Variants in SLC35F1 observed in about 807,000 individuals in gnomAD.
The protein encoded by SLC35F1 is solute carrier family 35 member F1.
SLC35F1 carries 14 observed loss-of-function variants against 48.7 expected under a neutral mutation model. The ratio of observed to expected loss-of-function variants is 0.29; its 90% CI spans 0.19 to 0.45. The LOEUF (loss-of-function observed/expected upper bound fraction) is 0.45. SLC35F1 is among the 20% of genes least tolerant of loss of function. The probability of loss-of-function intolerance (pLI) is 1.00; values close to 1 mark genes in which losing one functional copy is unlikely to be tolerated. For synonymous variants in SLC35F1, 190 were observed against 202.2 expected (o/e 0.94, Z 0.51); for missense variants, 404 against 500.0 (o/e 0.81, Z 1.83).
At chr6:118,219,575 C>G (rs1775119155) in intron 2 of SLC35F1, among the ~76,000 whole-genome samples, 1 of 151,990 alleles carries the variant, frequency 6.6e-6, no homozygotes, top group African/African-American at 2.4e-5. Context: ...GACTGTAGAC[C>G]CACAACCATT....
At chr6:118,140,890 AG>A (rs1562302841) in intron 1 of SLC35F1, among the ~76,000 whole-genome samples, 1 of 152,228 alleles carries the variant, frequency 6.6e-6, no homozygotes, top group Non-Finnish European at 1.5e-5. Context: ...AAGTATATAA[AG>A]AAAATATTTT....
At chr6:118,261,065 C>T (rs1289022195) in intron 3 of SLC35F1, among the ~76,000 whole-genome samples, 1 of 152,202 alleles carries the variant, frequency 6.6e-6, no homozygotes, top group Non-Finnish European at 1.5e-5. Flanking sequence ...TGCACAATCA[C>T]TCTTATAAAG....
At chr6:118,082,148 C>T (rs1032579897) in intron 1 of SLC35F1, among the ~76,000 whole-genome samples, 1 of 152,208 alleles carries the variant, frequency 6.6e-6, no homozygotes, top group African/African-American at 2.4e-5. Flanking sequence ...AACCTTTGAA[C>T]ATTACAGATG....
intron 1 of SLC35F1, among the ~76,000 whole-genome samples, chr6:118,006,908 TTAA>T (rs1360536435): frequency 6.6e-6 from 1 of 152,150 alleles, no homozygotes; most frequent in Non-Finnish European, 1.5e-5. Context: ...TGTGTAAATG[TTAA>T]TAACTTTAGA....
At chr6:118,190,347 A>G (rs750721583) in intron 2 of SLC35F1, among the ~76,000 whole-genome samples, 2 of 152,038 alleles carry the variant, frequency 1.3e-5, no homozygotes, top group African/African-American at 2.4e-5. Flanking sequence ...ATTATATCAC[A>G]CTTAGCACGA....
At position 118,285,356 on chromosome 6, in the gene SLC35F1, T is replaced by G. The variant is rs764791623; in HGVS notation, c.1002+18T>G. The G allele has an allele frequency of 1.2e-6, 2 of 1,613,320 alleles. No individual in the cohort carries two copies. Among genetic ancestry groups the G allele is most frequent in the Non-Finnish European group, 1.7e-6 (2 of 1,179,328 alleles). ...ACTACAAGGTAAGTTGAGTGAGTGC[T>G]CCTTTGTGAAGATGATACTTTGTAG... On this transcript the variant is annotated intron_variant, in intron 7 of 7. Transcript: ENST00000360388.
intron 1 of SLC35F1, among the ~76,000 whole-genome samples, chr6:118,048,968 A>G (rs1412771584): frequency 3.3e-5 from 5 of 152,184 alleles, no homozygotes; most frequent in Non-Finnish European, 5.9e-5. Context: ...AAACCTTACT[A>G]CAAGGCTACA....
intron 1 of SLC35F1, among the ~76,000 whole-genome samples, chr6:118,136,300 TG>T (rs1221845247): frequency 1.3e-5 from 2 of 152,264 alleles, no homozygotes; most frequent in Non-Finnish European, 2.9e-5. Context: ...TGCTGTTTTA[TG>T]TCTAGACCTC....
intron 1 of SLC35F1, among the ~76,000 whole-genome samples, chr6:117,923,669 A>ATATG (rs1562238704): frequency 4.1e-5 from 2 of 49,308 alleles, no homozygotes; most frequent in South Asian, 7.1e-4. Flanking sequence ...GTATATATAC[A>ATATG]TATATGTACA....
At chr6:117,962,052 T>C (rs2114835883) in intron 1 of SLC35F1, among the ~76,000 whole-genome samples, 1 of 152,370 alleles carries the variant, frequency 6.6e-6, no homozygotes, top group East Asian at 1.9e-4. Flanking sequence ...AGTTATGTTT[T>C]TAACATTTAG....
intron 6 of SLC35F1, among the ~76,000 whole-genome samples, chr6:118,279,853 C>T (rs1259652898): frequency 6.6e-6 from 1 of 152,170 alleles, no homozygotes; most frequent in Non-Finnish European, 1.5e-5. Context: ...TTCTCTGCCT[C>T]CCCACTTTCC....
At chr6:117,920,955 A>G (rs1410119101) in intron 1 of SLC35F1, among the ~76,000 whole-genome samples, 1 of 152,040 alleles carries the variant, frequency 6.6e-6, no homozygotes, top group Non-Finnish European at 1.5e-5. Flanking sequence ...AATGTGTTAT[A>G]TATGTTATTT....
At chr6:118,111,759 G>T (rs1263086938) in intron 1 of SLC35F1, among the ~76,000 whole-genome samples, 2 of 152,166 alleles carry the variant, frequency 1.3e-5, no homozygotes, top group East Asian at 1.9e-4. Flanking sequence ...TATATTGGGT[G>T]ATTAAGCTTA....
intron 1 of SLC35F1, among the ~76,000 whole-genome samples, chr6:118,078,288 A>G (rs530687782): frequency 2.5e-4 from 38 of 152,334 alleles, no homozygotes; most frequent in African/African-American, 9.1e-4. Flanking sequence ...AGAAAACCTC[A>G]TAGACCACTA....
intron 1 of SLC35F1, among the ~76,000 whole-genome samples, chr6:118,123,625 C>T (rs1395096783): frequency 6.6e-6 from 1 of 152,110 alleles, no homozygotes; most frequent in Non-Finnish European, 1.5e-5. Flanking sequence ...TTTGATCTTC[C>T]CTAAAAAGAA....
intron 2 of SLC35F1, among the ~76,000 whole-genome samples, chr6:118,203,238 G>A (rs1485910238): frequency 6.6e-6 from 1 of 152,202 alleles, no homozygotes; most frequent in Non-Finnish European, 1.5e-5. Context: ...TGCTCTCTGA[G>A]GTTCATAGGG....
chr6:118,123,474 C>T (rs149707927), intron 1 of SLC35F1, among the ~76,000 whole-genome samples: 360 of 151,960 alleles, frequency 2.4e-3, no homozygotes, highest in East Asian at 0.021. Context: ...TCTACACAAA[C>T]GACAAAATAT....
intron 1 of SLC35F1, among the ~76,000 whole-genome samples, chr6:118,027,206 G>T (rs1771971656): frequency 6.6e-6 from 1 of 152,040 alleles, no homozygotes; most frequent in Non-Finnish European, 1.5e-5. Flanking sequence ...TGGACATTTG[G>T]AATGTTCCCA....
chr6:117,957,891 T>C (rs1776446724), intron 1 of SLC35F1, among the ~76,000 whole-genome samples: 1 of 152,186 alleles, frequency 6.6e-6, no homozygotes, highest in Admixed American at 6.5e-5. Flanking sequence ...TTTTTATTGT[T>C]ATTTTAGACG....
Sources: allele counts gnomAD v4.1 joint callset (sites outside exome capture counted in the v4.1 genomes callset), GRCh38; gene constraint gnomAD v4.1.1; transcripts MANE v1.5; gene names NCBI Gene and HGNC (gene_info 2026-07-23, HGNC 2026-07-21).